ADGRV1: variants seen among roughly 807,000 people sequenced by gnomAD.
The protein encoded by ADGRV1 is G-protein coupled receptor 98.
Under a neutral mutation model 596.2 loss-of-function variants are expected in ADGRV1, and 359 were observed. That is an observed-to-expected ratio of 0.60 (90% CI 0.55 to 0.66). ADGRV1 has a LOEUF of 0.66. ADGRV1 is among the 30% of genes least tolerant of loss of function. ADGRV1 has a pLI of 0.00. For synonymous variants in ADGRV1, 2,681 were observed against 2,679.2 expected (o/e 1.00, Z -0.02); for missense variants, 7,274 against 7,575.6 (o/e 0.96, Z 1.48).
At chr5:90,666,106 G>T (rs1436035697) in intron 21 of ADGRV1, among the ~76,000 whole-genome samples, 2 of 151,270 alleles carry the variant, frequency 1.3e-5, no homozygotes, top group Non-Finnish European at 2.9e-5. Context: ...TTGGGGTGGA[G>T]AGTTCTGTAG....
chr5:91,038,831 T>G (rs1461839447), intron 85 of ADGRV1, among the ~76,000 whole-genome samples: 1 of 152,208 alleles, frequency 6.6e-6, no homozygotes, highest in African/African-American at 2.4e-5. Flanking sequence ...AGTTTTTACT[T>G]GAATTCATTG....
intron 84 of ADGRV1, among the ~76,000 whole-genome samples, chr5:90,966,813 T>C (rs964563459): frequency 3.9e-5 from 6 of 152,214 alleles, no homozygotes; most frequent in Non-Finnish European, 8.8e-5. Context: ...AGTATTTAAG[T>C]GGCTCAACTA....
At chr5:90,574,417 A>G (rs1179532333) in intron 1 of ADGRV1, among the ~76,000 whole-genome samples, 1 of 151,958 alleles carries the variant, frequency 6.6e-6, no homozygotes, top group Non-Finnish European at 1.5e-5. Flanking sequence ...TGTGGCTATT[A>G]TAGGTGGGAT....
chr5:90,764,905 G>A (rs535222231), intron 59 of ADGRV1, among the ~76,000 whole-genome samples: 4 of 152,272 alleles, frequency 2.6e-5, no homozygotes, highest in African/African-American at 7.2e-5. Context: ...TCCCTGGGAA[G>A]TTCCTGAATA....
chr5:90,891,566 A>G (rs1374320987), intron 83 of ADGRV1, among the ~76,000 whole-genome samples: 1 of 151,996 alleles, frequency 6.6e-6, no homozygotes, highest in African/African-American at 2.4e-5. Flanking sequence ...TTTTTCAGGT[A>G]CTGATAATCA....
Position 90,635,097 on chromosome 5 carries a change from G to T in ADGRV1, c.1840-17G>T, listed in dbSNP as rs1361650093. On this transcript the variant is annotated splice_polypyrimidine_tract_variant and intron_variant, in intron 9 of 89. Coordinates refer to ENST00000405460, the MANE Select transcript of ADGRV1 (RefSeq NM_032119.4). ...TCTATCAATTCTTACTACTTTTTGT[G>T]TATTTGTTTATTATAGTTGGAAACT... The T allele has an allele frequency of 6.7e-7, 1 of 1,496,000 alleles. No homozygotes were observed. Among genetic ancestry groups the T allele is most frequent in the East Asian group, 2.3e-5 (1 of 44,126 alleles). The allele number at this position is 1,496,000 out of a possible 1,614,324, so 92.7% of individuals were successfully genotyped here.
At chr5:90,596,249 G>T (rs1298577536) in intron 1 of ADGRV1, among the ~76,000 whole-genome samples, 1 of 150,602 alleles carries the variant, frequency 6.6e-6, no homozygotes, top group East Asian at 2.0e-4. Flanking sequence ...GGGAAGAGGC[G>T]CTCCTCACTT....
chr5:90,915,722 G>A (rs1773291462), intron 83 of ADGRV1, among the ~76,000 whole-genome samples: 1 of 152,150 alleles, frequency 6.6e-6, no homozygotes, highest in Admixed American at 6.5e-5. Flanking sequence ...GCCCCCGTGG[G>A]TGCTGATCAT....
intron 87 of ADGRV1, among the ~76,000 whole-genome samples, chr5:91,105,725 G>T (rs1295353140): frequency 6.6e-6 from 1 of 152,100 alleles, no homozygotes; most frequent in East Asian, 1.9e-4. Flanking sequence ...TCTGTCAGAT[G>T]AATAGTTTAC....
intron 85 of ADGRV1, among the ~76,000 whole-genome samples, chr5:91,020,034 G>C (rs1157411005): frequency 6.6e-6 from 1 of 151,924 alleles, no homozygotes; most frequent in Admixed American, 6.6e-5. Flanking sequence ...GTTTAAGAAA[G>C]TTTTAGAAGA....
intron 54 of ADGRV1, among the ~76,000 whole-genome samples, chr5:90,754,456 T>C (rs1755610475): frequency 6.6e-6 from 1 of 152,204 alleles, no homozygotes; most frequent in Non-Finnish European, 1.5e-5. Flanking sequence ...CCTGGGTCTT[T>C]AATATGGCAA....
At chr5:90,773,626 AAGGTCTTAGAC>A (rs962082237) in intron 59 of ADGRV1, among the ~76,000 whole-genome samples, 1 of 152,202 alleles carries the variant, frequency 6.6e-6, no homozygotes, top group African/African-American at 2.4e-5. Flanking sequence ...ATAAAAGACC[AAGGTCTTAGAC>A]AGAAAAACTA....
chr5:90,720,573 A>G (rs1400464464), intron 44 of ADGRV1, among the ~76,000 whole-genome samples: 2 of 152,234 alleles, frequency 1.3e-5, no homozygotes, highest in Non-Finnish European at 2.9e-5. Flanking sequence ...CTTCAAATAT[A>G]TATTAACATG....
At chr5:91,017,911 CAGTCAACATAACTAAATTGTTAACAGAAA>C (rs1194173871) in intron 85 of ADGRV1, among the ~76,000 whole-genome samples, 1 of 151,864 alleles carries the variant, frequency 6.6e-6, no homozygotes, top group Non-Finnish European at 1.5e-5. Context: ...CACTTCCAAT[CAGTCAACATAACTAAATTGTTAACAGAAA>C]ACTATAATTT....
At chr5:90,767,123 C>G (rs1389339468) in intron 59 of ADGRV1, among the ~76,000 whole-genome samples, 1 of 152,110 alleles carries the variant, frequency 6.6e-6, no homozygotes, top group Admixed American at 6.5e-5. Context: ...GCCAGCAACT[C>G]ACAAAGAAGA....
chr5:90,710,743 T>C (rs1399145217), intron 39 of ADGRV1, among the ~76,000 whole-genome samples: 1 of 152,198 alleles, frequency 6.6e-6, no homozygotes, highest in Non-Finnish European at 1.5e-5. Flanking sequence ...TTTATTATTT[T>C]ATACTGTTCT....
chr5:90,569,415 T>TTTTTTTTTTTTTTTTTTTTTC (rs1295993815), intron 1 of ADGRV1, among the ~76,000 whole-genome samples: 2 of 105,670 alleles, frequency 1.9e-5, no homozygotes, highest in African/African-American at 9.2e-5. Context: ...TTTTTTTTTT[T>TTTTTTTTTTTTTTTTTTTTTC]CTCATTCTTA....
intron 85 of ADGRV1, among the ~76,000 whole-genome samples, chr5:91,002,920 G>C (rs868573682): frequency 2.6e-5 from 4 of 152,280 alleles, no homozygotes; most frequent in African/African-American, 7.2e-5. Context: ...GTTACCTACT[G>C]TTACCTACAT....
intron 88 of ADGRV1, among the ~76,000 whole-genome samples, chr5:91,150,949 G>A (rs1035982391): frequency 2.6e-5 from 4 of 152,214 alleles, no homozygotes; most frequent in African/African-American, 9.6e-5. Context: ...TTGGCCAGGA[G>A]GAGATAGTAA....
Sources: allele counts gnomAD v4.1 joint callset (sites outside exome capture counted in the v4.1 genomes callset), GRCh38; gene constraint gnomAD v4.1.1; transcripts MANE v1.5; gene names NCBI Gene and HGNC (gene_info 2026-07-23, HGNC 2026-07-21).